Variants in CFAP95 observed in about 807,000 individuals in gnomAD.
CFAP95 encodes the protein cilia and flagella associated protein 95.
At chr9:69,831,075 A>G in the CFAP95 span, among the ~76,000 whole-genome samples, 2 of 152,140 alleles carry the variant, frequency 1.3e-5, no homozygotes, top group African/African-American at 2.4e-5. Context: ...ATTTTTATTT[A>G]ACTAAGTTGT....
chr9:69,854,927 A>T, the CFAP95 span, among the ~76,000 whole-genome samples: 31,858 of 152,128 alleles, frequency 0.21, 3,399 homozygotes, highest in South Asian at 0.25. Context: ...GGTTGTTCTG[A>T]GTTACAGTAA....
At chr9:69,899,182 C>T in the CFAP95 span, among the ~76,000 whole-genome samples, 3 of 152,168 alleles carry the variant, frequency 2.0e-5, no homozygotes, top group African/African-American at 4.8e-5. Context: ...TGTGTAGCAC[C>T]GAATAGTGAC....
At chr9:69,848,736 C>T in the CFAP95 span, among the ~76,000 whole-genome samples, 6 of 152,096 alleles carry the variant, frequency 3.9e-5, no homozygotes, top group African/African-American at 7.2e-5. Flanking sequence ...TGGGCCAGGC[C>T]GAAGCAGCCC....
At chr9:69,838,511 A>C in the CFAP95 span, among the ~76,000 whole-genome samples, 1 of 151,368 alleles carries the variant, frequency 6.6e-6, no homozygotes, top group Non-Finnish European at 1.5e-5. Flanking sequence ...ATGGGAGTTC[A>C]CTCATGATTT....
the CFAP95 span, among the ~76,000 whole-genome samples, chr9:69,902,896 T>C: frequency 3.6e-4 from 55 of 152,316 alleles, no homozygotes; most frequent in African/African-American, 1.3e-3. Context: ...CTACTTTTCA[T>C]ATACGCCCTG....
the CFAP95 span, among the ~76,000 whole-genome samples, chr9:69,855,029 G>T: frequency 1.3e-5 from 2 of 152,168 alleles, no homozygotes; most frequent in Non-Finnish European, 2.9e-5. Flanking sequence ...TTTATAAAGA[G>T]ATCCTTCATT....
the CFAP95 span, chr9:69,906,214 C>A: frequency 8.3e-7 from 1 of 1,207,996 alleles, no homozygotes; most frequent in Non-Finnish European, 1.2e-6. Flanking sequence ...TTAATAAATG[C>A]AATGGAAGTG....
chr9:69,876,911 A>T, the CFAP95 span, among the ~76,000 whole-genome samples: 1 of 152,208 alleles, frequency 6.6e-6, no homozygotes, highest in African/African-American at 2.4e-5. Flanking sequence ...TTGGGATTAC[A>T]GGCATGAGCC....
At chr9:69,866,911 C>T in the CFAP95 span, among the ~76,000 whole-genome samples, 9 of 152,196 alleles carry the variant, frequency 5.9e-5, no homozygotes, top group Non-Finnish European at 1.0e-4. Flanking sequence ...GAGTGCATAT[C>T]ACCAACTTGA....
the CFAP95 span, among the ~76,000 whole-genome samples, chr9:69,896,026 T>C: frequency 6.6e-6 from 1 of 152,204 alleles, no homozygotes; most frequent in Non-Finnish European, 1.5e-5. Context: ...CTTGGAATTA[T>C]GAGATATTTT....
chr9:69,863,508 T>G, the CFAP95 span, among the ~76,000 whole-genome samples: 1 of 152,316 alleles, frequency 6.6e-6, no homozygotes, highest in East Asian at 1.9e-4. Flanking sequence ...TTGAAAGTAC[T>G]CTTTATGAGG....
the CFAP95 span, among the ~76,000 whole-genome samples, chr9:69,901,959 A>G: frequency 3.3e-5 from 5 of 152,004 alleles, no homozygotes; most frequent in African/African-American, 1.2e-4. Context: ...GCATTTTTTC[A>G]TGTGTTTTAT....
the CFAP95 span, among the ~76,000 whole-genome samples, chr9:69,853,363 G>A: frequency 5.9e-5 from 9 of 152,236 alleles, 1 homozygote; most frequent in South Asian, 4.1e-4. Flanking sequence ...AAAATAATTC[G>A]TACTCAGGAA....
At chr9:69,822,658 G>A in the CFAP95 span, among the ~76,000 whole-genome samples, 2 of 152,210 alleles carry the variant, frequency 1.3e-5, no homozygotes, top group Non-Finnish European at 2.9e-5. Context: ...GCTCTCTGCT[G>A]CACCACTATT....
chr9:69,835,898 A>G, the CFAP95 span, among the ~76,000 whole-genome samples: 1 of 152,180 alleles, frequency 6.6e-6, no homozygotes, highest in Non-Finnish European at 1.5e-5. Flanking sequence ...CCTTTCCTGT[A>G]AGAAGAATCC....
At chr9:69,870,663 T>C in the CFAP95 span, among the ~76,000 whole-genome samples, 1 of 152,222 alleles carries the variant, frequency 6.6e-6, no homozygotes, top group Non-Finnish European at 1.5e-5. Context: ...TGGCCACCCA[T>C]GGCTACATGA....
the CFAP95 span, among the ~76,000 whole-genome samples, chr9:69,899,393 A>T: frequency 6.6e-6 from 1 of 152,370 alleles, no homozygotes; most frequent in African/African-American, 2.4e-5. Context: ...CAGTGGGAAA[A>T]CATAAGTTCT....
the CFAP95 span, among the ~76,000 whole-genome samples, chr9:69,842,557 G>A: frequency 1.3e-5 from 2 of 152,140 alleles, no homozygotes; most frequent in Admixed American, 6.5e-5. Context: ...AGCATATGAA[G>A]GATTTTCTGC....
the CFAP95 span, among the ~76,000 whole-genome samples, chr9:69,837,682 G>A: frequency 6.6e-6 from 1 of 152,124 alleles, no homozygotes; most frequent in South Asian, 2.1e-4. Flanking sequence ...TTTGTAGGTT[G>A]CCTGTTCACT....
Sources: gnomAD v4.1 joint callset for allele counts (sites outside exome capture counted in the v4.1 genomes callset) on GRCh38, gnomAD v4.1.1 for gene constraint, MANE v1.5 for transcripts, NCBI Gene and HGNC (gene_info 2026-07-23, HGNC 2026-07-21) for gene names.